The following NEDD4L variants were observed in gnomAD, a reference collection of about 807,000 sequenced individuals.
NEDD4L encodes E3 ubiquitin-protein ligase NEDD4-like.
A neutral mutation model predicts 148.9 loss-of-function variants in NEDD4L; 54 were observed. The ratio of observed to expected loss-of-function variants is 0.36; its 90% CI spans 0.29 to 0.45. The LOEUF is 0.45. NEDD4L is among the 20% of genes least tolerant of loss of function. The pLI, the probability that NEDD4L is intolerant of heterozygous loss-of-function variation, is 1.00. For synonymous variants in NEDD4L, 433 were observed against 440.7 expected (o/e 0.98, Z 0.22); for missense variants, 856 against 1,233.8 (o/e 0.69, Z 4.59).
intron 1 of NEDD4L, among the ~76,000 whole-genome samples, chr18:58,115,245 C>CTTTTTTTTTTTTTTTTTTTTTTTTTTCT (rs60541981): frequency 7.7e-6 from 1 of 129,538 alleles, no homozygotes; most frequent in Non-Finnish European, 1.6e-5. Context: ...TTCTTTCTTT[C>CTTTTTTTTTTTTTTTTTTTTTTTTTTCT]TTTTTTTTTT....
chr18:58,151,256 A>G (rs549184102), intron 1 of NEDD4L, among the ~76,000 whole-genome samples: 2 of 152,182 alleles, frequency 1.3e-5, no homozygotes, highest in Non-Finnish European at 2.9e-5. Flanking sequence ...CATGCATGGG[A>G]AGAAACTATT....
At chr18:58,181,523 T>C (rs758664441) in intron 2 of NEDD4L, among the ~76,000 whole-genome samples, 13 of 128,544 alleles carry the variant, frequency 1.0e-4, no homozygotes, top group Non-Finnish European at 1.5e-4. Flanking sequence ...CCTTGAACTC[T>C]TGGGCTCAGG....
intron 24 of NEDD4L, among the ~76,000 whole-genome samples, chr18:58,375,971 A>G (rs1486468979): frequency 6.6e-6 from 1 of 152,208 alleles, no homozygotes; most frequent in East Asian, 1.9e-4. Flanking sequence ...TTCATTTTTA[A>G]CATATGAAGG....
intron 1 of NEDD4L, chr18:58,149,402 A>T (rs2034435472): frequency 6.7e-7 from 1 of 1,492,500 alleles, no homozygotes. Context: ...CTCTCCTGTG[A>T]CCTTGTCACC....
intron 1 of NEDD4L, among the ~76,000 whole-genome samples, chr18:58,138,334 C>A (rs1234278455): frequency 6.8e-6 from 1 of 146,054 alleles, no homozygotes; most frequent in Non-Finnish European, 1.5e-5. Context: ...TTCTTCCCTC[C>A]CCTCCTCCTC....
intron 1 of NEDD4L, among the ~76,000 whole-genome samples, chr18:58,079,055 C>G (rs1008692914): frequency 6.6e-6 from 1 of 152,076 alleles, no homozygotes; most frequent in Non-Finnish European, 1.5e-5. Context: ...CTTGTTAGTT[C>G]TGGGTGTGGC....
intron 24 of NEDD4L, among the ~76,000 whole-genome samples, chr18:58,381,256 G>C: frequency 6.6e-6 from 1 of 152,162 alleles, no homozygotes. Flanking sequence ...CCACAGTGAA[G>C]GGGAGAACCA....
At chr18:58,314,519 G>A (rs955456701) in intron 5 of NEDD4L, 8 of 152,116 alleles carry the variant, frequency 5.3e-5, no homozygotes, top group South Asian at 2.1e-4. Context: ...CTGGGGCAGC[G>A]TGATTAGGTC....
chr18:58,197,341 G>T (rs1007025456), intron 2 of NEDD4L, among the ~76,000 whole-genome samples: 10 of 152,168 alleles, frequency 6.6e-5, no homozygotes, highest in African/African-American at 2.4e-4. Context: ...GGACAAGGAA[G>T]AACAGCACAT....
At chr18:58,223,603 T>C (rs2044011984) in intron 2 of NEDD4L, among the ~76,000 whole-genome samples, 8 of 152,214 alleles carry the variant, frequency 5.3e-5, no homozygotes, top group Admixed American at 5.2e-4. Flanking sequence ...CCAAGTCAGT[T>C]TTCATGTGAA....
rs375840476 is a variant in NEDD4L at position 58,076,850 on chromosome 18, C to CT, written c.48+32160dup. Among the ~76,000 whole-genome samples, 885 of 136,436 alleles carry CT rather than the reference C, an allele frequency of 6.5e-3. 10 individuals carry two copies. Among genetic ancestry groups the CT allele is most frequent in the East Asian group, 0.014 (69 of 4,840 alleles). 89.5% of individuals were successfully genotyped at this position (136,436 alleles called of 152,430 possible). On this transcript the variant is annotated intron_variant, in intron 1 of 30. Transcript: ENST00000400345. ...TGCAATGAACATTTTAATATACCTGCTTTTTTTTTTTTTTTTTTGAGATGG... is the reference window on the plus strand; with the variant it reads ...TGCAATGAACATTTTAATATACCTGCTTTTTTTTTTTTTTTTTTTGAGATGG...
intron 2 of NEDD4L, among the ~76,000 whole-genome samples, chr18:58,229,746 C>T (rs2044857878): frequency 6.6e-6 from 1 of 152,070 alleles, no homozygotes; most frequent in Non-Finnish European, 1.5e-5. Context: ...AAGCCCAACA[C>T]TTTGGGAGGC....
chr18:58,088,560 G>C (rs772621605), intron 1 of NEDD4L, among the ~76,000 whole-genome samples: 4 of 152,138 alleles, frequency 2.6e-5, no homozygotes, highest in African/African-American at 9.7e-5. Context: ...TTGAAGTTTA[G>C]TATTATGTAT....
chr18:58,329,006 C>G lies in NEDD4L; in HGVS notation c.692C>G (p.Ser231Trp). The change falls in exon 10 of 31, where the codon TCG (serine) becomes TGG (tryptophan). Residue 231 changes from serine (S) to tryptophan (W), a missense_variant. Around this residue, in one of 4 missense-constraint regions of NEDD4L, gnomAD observed 367 missense variants for 422.7 expected, o/e 0.87. Coordinates refer to ENST00000400345, the MANE Select transcript of NEDD4L (RefSeq NM_001144967.3). ...TCCTGCATGCTCAGGGACGTGTCCTCGGAGTCGGACAATAACATCAGACAG... is the reference window on the plus strand; with the variant it reads ...TCCTGCATGCTCAGGGACGTGTCCTGGGAGTCGGACAATAACATCAGACAG... ...WHRPSLMDVSSESDNNIRQIN... is the reference protein window; with the variant it reads ...WHRPSLMDVSWESDNNIRQIN... The G allele has an allele frequency of 6.2e-7, 1 of 1,613,986 alleles. No individual in the cohort carries two copies. The highest frequency in any genetic ancestry group is 1.1e-5 in the South Asian group (1 of 91,082).
intron 2 of NEDD4L, among the ~76,000 whole-genome samples, chr18:58,189,021 A>G (rs2039791007): frequency 6.6e-6 from 1 of 151,852 alleles, no homozygotes; most frequent in Non-Finnish European, 1.5e-5. Flanking sequence ...GGGGGCCCTC[A>G]CCGTGGGCTT....
chr18:58,069,065 G>A (rs965188898), intron 1 of NEDD4L, among the ~76,000 whole-genome samples: 2 of 151,404 alleles, frequency 1.3e-5, no homozygotes, highest in Admixed American at 1.3e-4. Context: ...GAACCTGGGA[G>A]GTGGAGGTTG....
chr18:58,257,322 CGTT>C (rs1390978817), intron 5 of NEDD4L, among the ~76,000 whole-genome samples: 1 of 151,950 alleles, frequency 6.6e-6, no homozygotes, highest in Non-Finnish European at 1.5e-5. Flanking sequence ...TCAGGTCAGT[CGTT>C]GTTATATAAT....
At chr18:58,107,854 A>C (rs1374272905) in intron 1 of NEDD4L, among the ~76,000 whole-genome samples, 1 of 152,116 alleles carries the variant, frequency 6.6e-6, no homozygotes, top group Non-Finnish European at 1.5e-5. Flanking sequence ...TTGGGACTAC[A>C]GGTACGCATG....
At chr18:58,084,220 G>A (rs1465922895) in intron 1 of NEDD4L, among the ~76,000 whole-genome samples, 2 of 152,178 alleles carry the variant, frequency 1.3e-5, no homozygotes, top group Non-Finnish European at 2.9e-5. Flanking sequence ...CACAGAGACG[G>A]AAAGTAGATT....
Sources: gnomAD v4.1 joint callset for allele counts (sites outside exome capture counted in the v4.1 genomes callset) on GRCh38, gnomAD v4.1.1 for gene constraint, gnomAD v4.1.1 regional missense constraint, MANE v1.5 for transcripts, NCBI Gene and HGNC (gene_info 2026-07-23, HGNC 2026-07-21) for gene names.